MCC: variants seen among roughly 807,000 people sequenced by gnomAD.
The protein encoded by MCC is colorectal mutant cancer protein.
In MCC, 90 loss-of-function variants were observed where a neutral mutation model predicts 116.2. The ratio of observed to expected loss-of-function variants is 0.77; its 90% CI spans 0.65 to 0.92. The LOEUF (loss-of-function observed/expected upper bound fraction) is 0.92, where lower values mean the gene tolerates loss of function less well. Ranked by LOEUF, MCC falls within the 40% of genes least tolerant of loss-of-function variation. The pLI is 0.00. For missense variants in MCC, 1,516 were observed against 1,312.2 expected (o/e 1.16, Z -2.40); for synonymous variants, 578 against 510.5 (o/e 1.13, Z -1.78).
intron 14 of MCC, among the ~76,000 whole-genome samples, chr5:113,054,712 A>G (rs1267930479): frequency 6.6e-6 from 1 of 152,196 alleles, no homozygotes; most frequent in Non-Finnish European, 1.5e-5. Context: ...TGTTCACTAT[A>G]GGGACTCGGG....
At chr5:113,058,806 G>C (rs4705763) in intron 14 of MCC, among the ~76,000 whole-genome samples, 72,101 of 152,172 alleles carry the variant, frequency 0.47, 18,225 homozygotes, top group East Asian at 0.63. Context: ...GCAGGCAGCT[G>C]GTGCTGCCAC....
At chr5:113,230,371 A>G (rs1248334223) in intron 3 of MCC, among the ~76,000 whole-genome samples, 1 of 152,230 alleles carries the variant, frequency 6.6e-6, no homozygotes, top group Non-Finnish European at 1.5e-5. Context: ...TCTCATACAT[A>G]AACAACACAG....
chr5:113,352,654 G>A (rs1768303337), intron 2 of MCC, among the ~76,000 whole-genome samples: 1 of 149,980 alleles, frequency 6.7e-6, no homozygotes, highest in Non-Finnish European at 1.5e-5. Context: ...TTTTCCCCCT[G>A]CATCAGCACG....
At chr5:113,095,117 G>A (rs534014951) in intron 8 of MCC, among the ~76,000 whole-genome samples, 1 of 152,318 alleles carries the variant, frequency 6.6e-6, no homozygotes, top group Admixed American at 6.5e-5. Flanking sequence ...TAGAATGCCA[G>A]GAGAGTGGGT....
intron 1 of MCC, among the ~76,000 whole-genome samples, chr5:113,421,275 C>T (rs1056045737): frequency 5.9e-5 from 9 of 152,174 alleles, no homozygotes; most frequent in African/African-American, 1.7e-4. Flanking sequence ...ATCTGCCCGC[C>T]TGGACTCCCA....
intron 1 of MCC, among the ~76,000 whole-genome samples, chr5:113,481,257 A>C (rs1772370363): frequency 1.3e-5 from 2 of 152,242 alleles, no homozygotes; most frequent in African/African-American, 4.8e-5. Flanking sequence ...TTCAGGAAGA[A>C]TTTTAAAATT....
At chr5:113,091,168 C>T (rs1007519614) in intron 8 of MCC, among the ~76,000 whole-genome samples, 18 of 152,236 alleles carry the variant, frequency 1.2e-4, no homozygotes, top group Non-Finnish European at 1.3e-4. Context: ...AACCCCAGAC[C>T]AGTGGCACCT....
At chr5:113,294,431 C>A (rs1388819424) in intron 3 of MCC, 1 of 1,612,982 alleles carries the variant, frequency 6.2e-7, no homozygotes. Context: ...GGTCTCGGAG[C>A]TTAAGAGTTG....
chr5:113,347,805 C>T (rs1231933269), intron 2 of MCC, among the ~76,000 whole-genome samples: 1 of 151,372 alleles, frequency 6.6e-6, no homozygotes, highest in Non-Finnish European at 1.5e-5. Context: ...AAAAGCAAGA[C>T]CAAATGACCA....
intron 2 of MCC, among the ~76,000 whole-genome samples, chr5:113,382,219 T>C (rs970520666): frequency 6.6e-6 from 1 of 151,198 alleles, no homozygotes; most frequent in African/African-American, 2.4e-5. Flanking sequence ...GTTAATAGTA[T>C]AGAAAAGAGA....
rs546601807 is a variant in MCC, at chr5:113,475,452, C to T, written c.170+12793G>A. ...AGGTCCAAAGAGTCCTTCTACCTAC[C>T]CATCTTTTTTTCTCCCATCAGTTAG... On this transcript the variant is annotated intron_variant, in intron 1 of 18. Coordinates refer to ENST00000408903, the MANE Select transcript of MCC (RefSeq NM_001085377.2). Among the ~76,000 whole-genome samples the T allele has an allele frequency of 1.1e-4, 16 of 152,182 alleles. No individual in the cohort carries two copies. The South Asian group carries it at 3.3e-3, about 32-fold the overall frequency.
At chr5:113,259,916 A>G (rs1160093401) in intron 3 of MCC, among the ~76,000 whole-genome samples, 1 of 152,172 alleles carries the variant, frequency 6.6e-6, no homozygotes, top group East Asian at 1.9e-4. Context: ...TTCTCAGGTA[A>G]GTGTTTATTT....
intron 2 of MCC, among the ~76,000 whole-genome samples, chr5:113,341,059 T>G (rs1293881006): frequency 6.6e-6 from 1 of 152,212 alleles, no homozygotes; most frequent in Non-Finnish European, 1.5e-5. Context: ...ACAGGGCTAC[T>G]ACATTAGCCT....
At chr5:113,194,020 T>A (rs1241643889) in intron 3 of MCC, among the ~76,000 whole-genome samples, 1 of 152,216 alleles carries the variant, frequency 6.6e-6, no homozygotes, top group Non-Finnish European at 1.5e-5. Context: ...CAGGTACCAC[T>A]ATTCACATGG....
intron 1 of MCC, among the ~76,000 whole-genome samples, chr5:113,487,191 GC>G (rs1235753201): frequency 2.0e-5 from 3 of 147,654 alleles, no homozygotes; most frequent in African/African-American, 7.4e-5. Context: ...TCCGCACTTT[GC>G]TTTCTTTTTT....
At chr5:113,454,510 G>C (rs1403638737) in intron 1 of MCC, among the ~76,000 whole-genome samples, 1 of 152,140 alleles carries the variant, frequency 6.6e-6, no homozygotes, top group East Asian at 1.9e-4. Context: ...TTAAATGTCA[G>C]TCATAATAAA....
Position 113,348,226 on chromosome 5 carries a change from T to C in MCC, c.416-7496A>G, listed in dbSNP as rs138442140. 1.6e-4 allele frequency among the ~76,000 whole-genome samples: 25 copies of C among 152,198 alleles called. No homozygotes were observed. The East Asian group carries it at 4.1e-3, about 25-fold the overall frequency. Reference sequence around the variant, plus strand: ...ATAGAACAAATGGACCTAACAGATATTTACAGAACATTTCTTCAAGGTCTG... The same window carrying C: ...ATAGAACAAATGGACCTAACAGATACTTACAGAACATTTCTTCAAGGTCTG... On this transcript the variant is annotated intron_variant, in intron 2 of 18. Coordinates refer to ENST00000408903, the MANE Select transcript of MCC (RefSeq NM_001085377.2).
chr5:113,341,188 C>G (rs1768000975), intron 2 of MCC, among the ~76,000 whole-genome samples: 1 of 151,634 alleles, frequency 6.6e-6, no homozygotes, highest in Middle Eastern at 3.4e-3. Flanking sequence ...CCTTTCCTTC[C>G]TTCCTTCCTT....
chr5:113,296,251 G>A (rs1287530518), intron 3 of MCC, among the ~76,000 whole-genome samples: 2 of 152,136 alleles, frequency 1.3e-5, no homozygotes, highest in East Asian at 3.8e-4. Flanking sequence ...GGAAATGGTG[G>A]TATATACATA....
Sources: allele counts gnomAD v4.1 joint callset (sites outside exome capture counted in the v4.1 genomes callset), GRCh38; gene constraint gnomAD v4.1.1; transcripts MANE v1.5; gene names NCBI Gene and HGNC (gene_info 2026-07-23, HGNC 2026-07-21).